CALN1: variants seen among roughly 807,000 people sequenced by gnomAD.
CALN1 encodes calneuron 1, also known as calcium-binding protein 8.
A neutral mutation model predicts 30.6 loss-of-function variants in CALN1; 17 were observed. The ratio of observed to expected loss-of-function variants is 0.56; its 90% CI spans 0.38 to 0.83. CALN1 has a LOEUF of 0.83. Ranked by LOEUF, CALN1 falls within the 40% of genes least tolerant of loss-of-function variation. The pLI, the probability that CALN1 is intolerant of heterozygous loss-of-function variation, is 0.00. For missense variants in CALN1, 291 were observed against 354.9 expected, an observed-to-expected ratio of 0.82 and a Z score of 1.45; for synonymous variants, 156 against 131.4, an observed-to-expected ratio of 1.19 and a Z score of -1.28.
intron 3 of CALN1, among the ~76,000 whole-genome samples, chr7:72,202,293 G>A (rs531345424): frequency 6.6e-6 from 1 of 152,052 alleles, no homozygotes; most frequent in South Asian, 2.1e-4. Context: ...AAGAATGAAA[G>A]TAATGAGAAT....
intron 5 of CALN1, among the ~76,000 whole-genome samples, chr7:71,972,110 C>T (rs1187489609): frequency 2.6e-5 from 4 of 152,042 alleles, no homozygotes; most frequent in Admixed American, 2.6e-4. Flanking sequence ...GTAGTACCCA[C>T]GAATAGACAA....
chr7:71,826,816 C>A (rs2116371716), intron 5 of CALN1, among the ~76,000 whole-genome samples: 1 of 152,314 alleles, frequency 6.6e-6, no homozygotes, highest in Middle Eastern at 3.4e-3. Flanking sequence ...GCTGGGACTA[C>A]AGGTGCATGC....
intron 1 of CALN1, among the ~76,000 whole-genome samples, chr7:72,410,476 A>G (rs140649119): frequency 2.6e-4 from 39 of 152,368 alleles, no homozygotes; most frequent in African/African-American, 8.9e-4. Context: ...ATCTCTGCCC[A>G]AAACCAATTA....
intron 3 of CALN1, among the ~76,000 whole-genome samples, chr7:72,227,212 C>T (rs1793746441): frequency 6.8e-6 from 1 of 146,580 alleles, no homozygotes; most frequent in African/African-American, 2.6e-5. Flanking sequence ...TGCACAGTAC[C>T]CTCTGAATCT....
rs1230298290 is a variant in CALN1 at position 72,431,109 on chromosome 7, C to A, written c.-226+15933G>T. 2.0e-5 allele frequency among the ~76,000 whole-genome samples: 3 copies of A among 151,006 alleles called. No homozygotes were observed. The Admixed American group carries it at 2.0e-4, about 10-fold the overall frequency. The stretch of plus-strand genomic sequence containing the variant: ...CACACCCGGCTAATTTTTGTATTTT[C>A]AGTAAAGACAGGGTTTCACCATATT... On this transcript the variant is annotated intron_variant, in intron 1 of 6. Transcript: ENST00000395276.
intron 3 of CALN1, among the ~76,000 whole-genome samples, chr7:72,207,225 G>T (rs78655940): frequency 0.026 from 3,938 of 152,124 alleles, 177 homozygotes; most frequent in African/African-American, 0.09. Context: ...AACCACTCCG[G>T]CCCTCTGTCT....
chr7:72,240,892 G>A (rs1485335752), intron 3 of CALN1, among the ~76,000 whole-genome samples: 1 of 152,190 alleles, frequency 6.6e-6, no homozygotes, highest in Non-Finnish European at 1.5e-5. Context: ...CCAGTCCCAT[G>A]CCTGTTTACA....
chr7:72,355,229 C>A (rs1010523281), intron 2 of CALN1, among the ~76,000 whole-genome samples: 1 of 152,152 alleles, frequency 6.6e-6, no homozygotes, highest in Non-Finnish European at 1.5e-5. Context: ...AACGAGGATA[C>A]AAAAGGCACA....
the CALN1 span, among the ~76,000 whole-genome samples, chr7:72,453,469 T>C: frequency 1.3e-5 from 2 of 152,232 alleles, no homozygotes; most frequent in Non-Finnish European, 2.9e-5. Flanking sequence ...GCCATGGCAA[T>C]GGTAAACAGT....
In CALN1 at chr7:72,050,558, C is replaced by T. The variant is rs146350734; in HGVS notation, c.389-26789G>A. 1.7e-3 allele frequency among the ~76,000 whole-genome samples: 257 copies of T among 152,064 alleles called. 5 individuals carry two copies. The East Asian group carries it at 0.034, about 20-fold the overall frequency. On this transcript the variant is annotated intron_variant, in intron 4 of 6. Coordinates refer to ENST00000395275, the MANE Select transcript of CALN1 (RefSeq NM_031468.4). Reference sequence around the variant, plus strand: ...ATTGAAGCAGAGCCCTAGATCACTCCGAAATGGAAAACACTCTCCTGATCA... The same window carrying T: ...ATTGAAGCAGAGCCCTAGATCACTCTGAAATGGAAAACACTCTCCTGATCA...
At chr7:72,101,836 G>A (rs1232473310) in intron 4 of CALN1, among the ~76,000 whole-genome samples, 1 of 152,096 alleles carries the variant, frequency 6.6e-6, no homozygotes, top group Non-Finnish European at 1.5e-5. Context: ...CACGCCAAAA[G>A]CCCAGTCCTC....
chr7:71,846,391 T>G (rs1790237109), intron 5 of CALN1, among the ~76,000 whole-genome samples: 1 of 152,102 alleles, frequency 6.6e-6, no homozygotes, highest in Non-Finnish European at 1.5e-5. Context: ...TGACACAGAT[T>G]CTTCAGGAGG....
intron 2 of CALN1, among the ~76,000 whole-genome samples, chr7:72,299,549 T>C (rs1338428059): frequency 6.6e-6 from 1 of 151,868 alleles, no homozygotes; most frequent in Non-Finnish European, 1.5e-5. Flanking sequence ...ATAAAGGTAA[T>C]AGGCAAACAG....
intron 3 of CALN1, among the ~76,000 whole-genome samples, chr7:72,143,777 T>C (rs1810136440): frequency 6.6e-6 from 1 of 152,360 alleles, no homozygotes; most frequent in African/African-American, 2.4e-5. Context: ...AGCTGATCTC[T>C]CGGCAGAAAC....
intron 3 of CALN1, among the ~76,000 whole-genome samples, chr7:72,236,668 T>G (rs1481448298): frequency 1.3e-5 from 2 of 152,222 alleles, no homozygotes; most frequent in African/African-American, 4.8e-5. Context: ...TGATAATTAA[T>G]GGTTGGATTA....
chr7:71,813,472 T>G (rs577877863), intron 5 of CALN1, among the ~76,000 whole-genome samples: 1 of 152,330 alleles, frequency 6.6e-6, no homozygotes, highest in South Asian at 2.1e-4. Flanking sequence ...CTAGGAAGCC[T>G]GTTATTAAGT....
chr7:71,912,203 G>A (rs1022637151), intron 5 of CALN1, among the ~76,000 whole-genome samples: 1 of 152,024 alleles, frequency 6.6e-6, no homozygotes, highest in Non-Finnish European at 1.5e-5. Context: ...ACAGAACGGA[G>A]GTCCAGCTGC....
chr7:72,143,630 C>G (rs1176497797), intron 3 of CALN1, among the ~76,000 whole-genome samples: 1 of 152,102 alleles, frequency 6.6e-6, no homozygotes, highest in Non-Finnish European at 1.5e-5. Flanking sequence ...GAGAACGCTA[C>G]AAAGATACTC....
intron 5 of CALN1, among the ~76,000 whole-genome samples, chr7:72,022,919 TTAA>T (rs1272321271): frequency 0.06 from 6,638 of 109,922 alleles, 477 homozygotes; most frequent in African/African-American, 0.24. Context: ...ATAAATAAAA[TTAA>T]AAAAAAAAAA....
Sources: allele counts gnomAD v4.1 joint callset (sites outside exome capture counted in the v4.1 genomes callset), GRCh38; gene constraint gnomAD v4.1.1; transcripts MANE v1.5; gene names NCBI Gene and HGNC (gene_info 2026-07-23, HGNC 2026-07-21).